Variants in SESTD1 observed in about 807,000 individuals in gnomAD.
SESTD1 encodes the protein SEC14 and spectrin domain containing 1.
A neutral mutation model predicts 101.7 loss-of-function variants in SESTD1; 43 were observed. The observed-to-expected ratio is 0.42, with a 90% CI of 0.33 to 0.55. The LOEUF (loss-of-function observed/expected upper bound fraction) is 0.55. Ranked by LOEUF, SESTD1 falls within the 20% of genes least tolerant of loss-of-function variation. The probability of loss-of-function intolerance (pLI) is 0.07; values close to 1 mark genes in which losing one functional copy is unlikely to be tolerated. For synonymous variants in SESTD1, 283 were observed against 286.8 expected, an observed-to-expected ratio of 0.99 and a Z score of 0.13; for missense variants, 647 against 815.1, an observed-to-expected ratio of 0.79 and a Z score of 2.51.
At chr2:179,141,672 G>A (rs1646977544) in intron 9 of SESTD1, among the ~76,000 whole-genome samples, 1 of 152,030 alleles carries the variant, frequency 6.6e-6, no homozygotes, top group Non-Finnish European at 1.5e-5. Flanking sequence ...TTTGCTTACT[G>A]AAGAGGAGAC....
intron 7 of SESTD1, among the ~76,000 whole-genome samples, chr2:179,147,923 T>C (rs1176807821): frequency 6.6e-6 from 1 of 152,234 alleles, no homozygotes; most frequent in Non-Finnish European, 1.5e-5. Flanking sequence ...TAACTCATGA[T>C]ATTTTCACTT....
At chr2:179,140,012 TCTCG>T (rs1291902715) in intron 9 of SESTD1, among the ~76,000 whole-genome samples, 1 of 152,210 alleles carries the variant, frequency 6.6e-6, no homozygotes, top group Non-Finnish European at 1.5e-5. Context: ...CAGAAGGAGC[TCTCG>T]CTCTTACATT....
chr2:179,144,662 T>C (rs2045356140), intron 8 of SESTD1, among the ~76,000 whole-genome samples: 1 of 152,066 alleles, frequency 6.6e-6, no homozygotes, highest in African/African-American at 2.4e-5. Flanking sequence ...ATCTTAAATT[T>C]AAATGGCTTT....
chr2:179,256,808 C>A (rs1452674915), intron 1 of SESTD1, among the ~76,000 whole-genome samples: 2 of 121,912 alleles, frequency 1.6e-5, no homozygotes, highest in Non-Finnish European at 3.4e-5. Context: ...CGAGACTCCA[C>A]CTCAAAAAAA....
chr2:179,259,559 A>C (rs1326478410), intron 1 of SESTD1, among the ~76,000 whole-genome samples: 1 of 152,092 alleles, frequency 6.6e-6, no homozygotes, highest in Non-Finnish European at 1.5e-5. Flanking sequence ...AGGTAAGGAA[A>C]ACAGAAGGAT....
chr2:179,193,464 A>G (rs2046347395), intron 1 of SESTD1, among the ~76,000 whole-genome samples: 2 of 152,210 alleles, frequency 1.3e-5, no homozygotes, highest in African/African-American at 4.8e-5. Context: ...GTTGTTATCC[A>G]GTTATACAAG....
Position 179,123,883 on chromosome 2 carries a change from G to C in SESTD1, c.1168-54C>G, listed in dbSNP as rs1027849648. The C allele has an allele frequency of 4.6e-6, 6 of 1,311,098 alleles. No homozygotes were observed. The African/African-American group carries it at 8.7e-5, about 19-fold the overall frequency. 81.2% of individuals were successfully genotyped at this position (1,311,098 alleles called of 1,614,324 possible). On this transcript the variant is annotated intron_variant, in intron 11 of 17. Transcript: ENST00000428443. ...CCCTGATGTAATCAGCATCTAAAGT[G>C]TTTAATGATTAATGAGGTTTATATC...
intron 1 of SESTD1, among the ~76,000 whole-genome samples, chr2:179,228,841 T>G (rs1202127751): frequency 6.6e-6 from 1 of 152,220 alleles, no homozygotes; most frequent in East Asian, 1.9e-4. Context: ...CTAGTGGAGA[T>G]ATTAATCAAG....
At chr2:179,191,739 T>C (rs141412189) in intron 2 of SESTD1, 48 bp downstream of exon 2, 7 of 1,483,426 alleles carry the variant, frequency 4.7e-6, no homozygotes, top group East Asian at 2.3e-5. Context: ...AAGAAACTAT[T>C]AAAAAGTTTG....
chr2:179,119,327 G>C (rs564332049), intron 13 of SESTD1, among the ~76,000 whole-genome samples: 1 of 152,200 alleles, frequency 6.6e-6, no homozygotes, highest in African/African-American at 2.4e-5. Context: ...AAGGATTTTA[G>C]GATAAATCTC....
chr2:179,212,332 A>C (rs185428498), intron 1 of SESTD1, among the ~76,000 whole-genome samples: 1 of 136,664 alleles, frequency 7.3e-6, no homozygotes, highest in East Asian at 2.0e-4. Context: ...CAACTGGCAG[A>C]CAAGGAAATT....
intron 4 of SESTD1, 40 bp downstream of exon 4, chr2:179,176,408 A>G: frequency 6.7e-7 from 1 of 1,486,584 alleles, no homozygotes; most frequent in Non-Finnish European, 9.4e-7. Context: ...CTGTTGCTGT[A>G]AAATAAAAAC....
chr2:179,136,367 C>T (rs2045144851), intron 9 of SESTD1, among the ~76,000 whole-genome samples: 1 of 152,178 alleles, frequency 6.6e-6, no homozygotes, highest in South Asian at 2.1e-4. Flanking sequence ...TTCACATCTG[C>T]ATTTTACAAT....
chr2:179,217,518 C>CA (rs2046741726), intron 1 of SESTD1, among the ~76,000 whole-genome samples: 2 of 152,180 alleles, frequency 1.3e-5, no homozygotes, highest in Non-Finnish European at 2.9e-5. Context: ...AACTGTTTTA[C>CA]ACTGTTGGTG....
chr2:179,155,965 C>G (rs1035517100), intron 5 of SESTD1, among the ~76,000 whole-genome samples: 4 of 152,070 alleles, frequency 2.6e-5, no homozygotes, highest in Non-Finnish European at 5.9e-5. Flanking sequence ...GCTTAGCTCC[C>G]ACATATCAGC....
intron 1 of SESTD1, among the ~76,000 whole-genome samples, chr2:179,229,821 C>T (rs1479239955): frequency 2.5e-5 from 3 of 120,286 alleles, no homozygotes; most frequent in African/African-American, 1.0e-4. Context: ...ACACACAACC[C>T]TACTTGAGAA....
chr2:179,199,562 T>C (rs1021122678), intron 1 of SESTD1, among the ~76,000 whole-genome samples: 4 of 152,118 alleles, frequency 2.6e-5, no homozygotes, highest in Non-Finnish European at 5.9e-5. Context: ...CTCAATAAAA[T>C]ACTGGCAAAC....
chr2:179,110,053 A>C, intron 17 of SESTD1, 25 bp from the exon 18 acceptor site: 1 of 1,611,426 alleles, frequency 6.2e-7, no homozygotes, highest in Non-Finnish European at 8.5e-7. Context: ...ACACAGAAAA[A>C]CCTCAGATTA....
rs926494381 is a variant in SESTD1, at chr2:179,106,137, T to A, written c.*3762A>T. 9 of 151,442 alleles carry A rather than the reference T, an allele frequency of 5.9e-5. No homozygotes were observed. The highest frequency in any genetic ancestry group is 8.8e-5 in the Non-Finnish European group (6 of 67,862). The allele number at this position is 151,442 out of a possible 1,614,324, so 9.4% of individuals were successfully genotyped here. A position where few individuals can be genotyped will look rare whatever the true frequency, so the allele number is the denominator to read the frequency against. Reference sequence around the variant, plus strand: ...CTGCTTAGCTATGTTCCAGCCATGTTTTTAATGCTAGAGAATTTTTCCTTT... The same window carrying A: ...CTGCTTAGCTATGTTCCAGCCATGTATTTAATGCTAGAGAATTTTTCCTTT... On this transcript the variant is annotated 3_prime_UTR_variant, in exon 18 of 18. Transcript: ENST00000428443.
Sources: gnomAD v4.1 joint callset for allele counts (sites outside exome capture counted in the v4.1 genomes callset) on GRCh38, gnomAD v4.1.1 for gene constraint, MANE v1.5 for transcripts, NCBI Gene and HGNC (gene_info 2026-07-23, HGNC 2026-07-21) for gene names.